The following GALNT7 variants were observed in gnomAD, a reference collection of about 807,000 sequenced individuals.
The protein encoded by GALNT7 is polypeptide N-acetylgalactosaminyltransferase 7, also known as N-acetylgalactosaminyltransferase 7.
Under a neutral mutation model 82.1 loss-of-function variants are expected in GALNT7, and 60 were observed. The ratio of observed to expected loss-of-function variants is 0.73; its 90% CI spans 0.59 to 0.91. The LOEUF is 0.91. Among genes scored for constraint, GALNT7 ranks in the 40% least tolerant of loss-of-function variants. GALNT7 has a pLI of 0.00. For synonymous variants in GALNT7, 243 were observed against 275.1 expected, an observed-to-expected ratio of 0.88 and a Z score of 1.15; for missense variants, 660 against 804.2, an observed-to-expected ratio of 0.82 and a Z score of 2.17.
intron 1 of GALNT7, among the ~76,000 whole-genome samples, chr4:173,185,882 G>T (rs1313458023): frequency 6.6e-6 from 1 of 152,188 alleles, no homozygotes; most frequent in Non-Finnish European, 1.5e-5. Context: ...ATGTTTTCTT[G>T]TCACTGTCTC....
At chr4:173,288,226 T>G (rs1561190655) in intron 2 of GALNT7, among the ~76,000 whole-genome samples, 1 of 129,330 alleles carries the variant, frequency 7.7e-6, no homozygotes. Flanking sequence ...GAGCTTGCAG[T>G]GAGCCGAGAT....
At chr4:173,288,301 A>AAAAAAAAAAAAAAAAAAAAAAG (rs1289159201) in intron 2 of GALNT7, among the ~76,000 whole-genome samples, 2 of 148,366 alleles carry the variant, frequency 1.3e-5, no homozygotes, top group African/African-American at 5.2e-5. Flanking sequence ...AAAAAAAAAA[A>AAAAAAAAAAAAAAAAAAAAAAG]AAAAGAAAAG....
chr4:173,245,978 C>A (rs1189377694), intron 1 of GALNT7, among the ~76,000 whole-genome samples: 2 of 152,162 alleles, frequency 1.3e-5, no homozygotes, highest in Non-Finnish European at 2.9e-5. Flanking sequence ...AACCCTGTAC[C>A]ACACATGCCT....
At chr4:173,182,708 C>A (rs1455867861) in intron 1 of GALNT7, among the ~76,000 whole-genome samples, 1 of 122,260 alleles carries the variant, frequency 8.2e-6, no homozygotes, top group Non-Finnish European at 1.6e-5. Context: ...CGTGTTGCCC[C>A]GAATGATGAG....
rs3733477 is a variant in GALNT7, at chr4:173,168,853, G to A, written c.18G>A (p.Gly6=). 1,091,732 of 1,611,712 alleles carry A rather than the reference G, an allele frequency of 0.68. 371,456 individuals are homozygous for A. Among genetic ancestry groups the A allele is most frequent in the Middle Eastern group, 0.7 (4,225 of 6,038 alleles). Residue 6 remains glycine (G), a synonymous_variant, in exon 1 of 12, where the codon GGG becomes GGA. Coordinates refer to ENST00000265000, the MANE Select transcript of GALNT7 (RefSeq NM_017423.3). ...GGAGGAAGATGAGGCTGAAGATTGG[G>A]TTCATCTTACGCAGTTTGCTGGTGG... The part of the protein sequence containing the change: MRLKI[G]FILRSLLVVG...
At chr4:173,224,945 G>A (rs1733770286) in intron 1 of GALNT7, among the ~76,000 whole-genome samples, 1 of 151,662 alleles carries the variant, frequency 6.6e-6, no homozygotes. Flanking sequence ...AACCCGGGAG[G>A]CGGAGCTTGC....
At chr4:173,232,595 G>C (rs1561165277) in intron 1 of GALNT7, among the ~76,000 whole-genome samples, 1 of 151,896 alleles carries the variant, frequency 6.6e-6, no homozygotes. Context: ...ACCATGCCCT[G>C]CTGATTTAAA....
chr4:173,301,042 G>A (rs1404885242), intron 6 of GALNT7, among the ~76,000 whole-genome samples: 1 of 152,020 alleles, frequency 6.6e-6, no homozygotes, highest in Admixed American at 6.5e-5. Flanking sequence ...GGCTGAGGTG[G>A]GAGGACTGCT....
chr4:173,308,828 T>C (rs950812002), intron 8 of GALNT7, among the ~76,000 whole-genome samples: 2 of 152,124 alleles, frequency 1.3e-5, no homozygotes, highest in Admixed American at 6.5e-5. Flanking sequence ...GCTTGAACCC[T>C]GGAGGCAGAG....
At chr4:173,269,749 G>T (rs531450702) in intron 2 of GALNT7, among the ~76,000 whole-genome samples, 4 of 152,194 alleles carry the variant, frequency 2.6e-5, no homozygotes, top group Non-Finnish European at 5.9e-5. Flanking sequence ...CTCAACAGAA[G>T]TAATTTAAAT....
chr4:173,253,778 C>T (rs1248902357), intron 2 of GALNT7, among the ~76,000 whole-genome samples: 1 of 152,042 alleles, frequency 6.6e-6, no homozygotes, highest in African/African-American at 2.4e-5. Context: ...GTCTGCTGCC[C>T]GGTTTAGATG....
intron 1 of GALNT7, among the ~76,000 whole-genome samples, chr4:173,215,819 G>T (rs996904587): frequency 3.9e-5 from 6 of 152,050 alleles, no homozygotes; most frequent in Admixed American, 1.3e-4. Context: ...TTCAAAACAG[G>T]CTTTAAAAGG....
rs1736577617 is a variant in GALNT7 at position 173,292,396 on chromosome 4, TCAA to T, written c.754+126_754+128del. ...TAGCATCTATTGATAGCATCTGTTA[TCAA>T]CAAGTTGACACTGTGCCAAGCATTG... On this transcript the variant is annotated intron_variant, in intron 3 of 11. Transcript: ENST00000265000. This position sits in a 1 kb window ranked among gnomAD's most constrained non-coding sequence, Gnocchi z 4.8. The T allele has an allele frequency of 4.9e-6, 3 of 616,084 alleles. No homozygotes were observed. The highest frequency in any genetic ancestry group is 1.9e-5 in the African/African-American group (1 of 53,420). 38.2% of individuals were successfully genotyped at this position (616,084 alleles called of 1,614,324 possible).
intron 7 of GALNT7, 115 bp from the exon 8 acceptor site, chr4:173,303,881 C>G (rs1016630420): frequency 6.9e-6 from 6 of 863,610 alleles, no homozygotes; most frequent in East Asian, 2.6e-5. Flanking sequence ...TTTAAGAATT[C>G]TGTGTGGACA....
At chr4:173,205,440 T>G (rs528629849) in intron 1 of GALNT7, among the ~76,000 whole-genome samples, 1 of 152,290 alleles carries the variant, frequency 6.6e-6, no homozygotes, top group Admixed American at 6.5e-5. Flanking sequence ...GCCTGGACCC[T>G]GGGTCTGCTG....
chr4:173,175,800 C>T (rs1047768691), intron 1 of GALNT7, among the ~76,000 whole-genome samples: 5 of 152,080 alleles, frequency 3.3e-5, no homozygotes, highest in East Asian at 1.9e-4. Context: ...GAGGCTGGTG[C>T]GGTGGTTCAT....
chr4:173,290,486 G>T (rs1489567426), intron 2 of GALNT7, among the ~76,000 whole-genome samples: 3 of 152,108 alleles, frequency 2.0e-5, no homozygotes, highest in African/African-American at 7.2e-5. Flanking sequence ...TCCTCTAGGA[G>T]ATGAGATTTG....
At chr4:173,244,407 A>G (rs1428158514) in intron 1 of GALNT7, among the ~76,000 whole-genome samples, 1 of 152,222 alleles carries the variant, frequency 6.6e-6, no homozygotes, top group Non-Finnish European at 1.5e-5. Context: ...ATGTTGATGT[A>G]TGAATTTTAG....
chr4:173,216,374 G>A (rs529928076), intron 1 of GALNT7, among the ~76,000 whole-genome samples: 2 of 152,102 alleles, frequency 1.3e-5, no homozygotes, highest in Non-Finnish European at 2.9e-5. Context: ...AGTGGAGGGC[G>A]TAATGTGTTA....
Sources: allele counts gnomAD v4.1 joint callset (sites outside exome capture counted in the v4.1 genomes callset), GRCh38; gene constraint gnomAD v4.1.1; non-coding constraint Gnocchi (gnomAD v3.1); transcripts MANE v1.5; gene names NCBI Gene and HGNC (gene_info 2026-07-23, HGNC 2026-07-21).